The following USP3 variants were observed in gnomAD, a reference collection of about 807,000 sequenced individuals.
The protein encoded by USP3 is ubiquitin specific peptidase 3.
A neutral mutation model predicts 72.3 loss-of-function variants in USP3; 20 were observed. That is an observed-to-expected ratio of 0.28 (90% CI 0.19 to 0.40). The LOEUF is 0.40. USP3 is among the 10% of genes least tolerant of loss of function. The pLI is 1.00. For missense variants in USP3, 479 were observed against 633.9 expected (o/e 0.76, Z 2.62); for synonymous variants, 222 against 225.3 (o/e 0.99, Z 0.13).
At chr15:63,576,979 C>G (rs1338439376) in intron 11 of USP3, among the ~76,000 whole-genome samples, 1 of 152,144 alleles carries the variant, frequency 6.6e-6, no homozygotes, top group African/African-American at 2.4e-5. Context: ...TTGAGTCCAC[C>G]TGGCAAGAAC....
intron 7 of USP3, among the ~76,000 whole-genome samples, chr15:63,560,694 G>C (rs1398364945): frequency 6.6e-6 from 1 of 152,002 alleles, no homozygotes; most frequent in African/African-American, 2.4e-5. Flanking sequence ...TACGGAGAGG[G>C]GGGGAAGAAA....
Position 63,528,934 on chromosome 15 carries a change from C to CA in USP3, c.92-3712dup. ...TTAATTTGGATGAAGCATGTATAAA[C>CA]AGAGTGAATATTCCCCAAAGCAATG... On this transcript the variant is annotated intron_variant, in intron 1 of 14. Coordinates refer to ENST00000380324, the MANE Select transcript of USP3 (RefSeq NM_006537.4). This position sits in a 1 kb window ranked among gnomAD's most constrained non-coding sequence, Gnocchi z 4.3. 2 of 1,115,384 alleles carry CA rather than the reference C, an allele frequency of 1.8e-6. No homozygotes were observed. Among genetic ancestry groups the CA allele is most frequent in the Non-Finnish European group, 2.4e-6 (2 of 838,306 alleles). The allele number at this position is 1,115,384 out of a possible 1,614,324, so 69.1% of individuals were successfully genotyped here.
At chr15:63,584,568 G>C (rs2067024134) in intron 11 of USP3, among the ~76,000 whole-genome samples, 1 of 152,048 alleles carries the variant, frequency 6.6e-6, no homozygotes, top group Non-Finnish European at 1.5e-5. Flanking sequence ...TGTGTCTGTT[G>C]GTCATTTGTG....
rs1407099834 is a variant in USP3, at chr15:63,592,035, C to T, written c.*1209C>T. The T allele has an allele frequency of 6.6e-6, 1 of 152,100 alleles. No individual in the cohort carries two copies. The allele number at this position is 152,100 out of a possible 1,614,324, so 9.4% of individuals were successfully genotyped here. A position where few individuals can be genotyped will look rare whatever the true frequency, so the allele number is the denominator to read the frequency against. ...GTAGCAATTCTCCTGCCTCAACCTC[C>T]TGAGTAGCTGGGATTACAGGTGCCC... On this transcript the variant is annotated 3_prime_UTR_variant, in exon 15 of 15. Transcript: ENST00000380324.
intron 2 of USP3, among the ~76,000 whole-genome samples, chr15:63,534,872 T>G (rs1177020602): frequency 3.3e-5 from 5 of 152,114 alleles, no homozygotes; most frequent in Non-Finnish European, 7.4e-5. Context: ...TGATTAAGAT[T>G]AAGTATTGAA....
At chr15:63,584,589 GAA>G (rs1222091929) in intron 11 of USP3, among the ~76,000 whole-genome samples, 2 of 152,150 alleles carry the variant, frequency 1.3e-5, no homozygotes, top group African/African-American at 4.8e-5. Context: ...CCTCTTTGGA[GAA>G]AAGTCTATTA....
chr15:63,529,147 A>G lies in USP3; in HGVS notation c.92-3500A>G, dbSNP rs750524812. The G allele has an allele frequency of 4.1e-5, 38 of 933,356 alleles. No homozygotes were observed. Among genetic ancestry groups the G allele is most frequent in the Admixed American group, 9.3e-5 (4 of 42,858 alleles). 57.8% of individuals were successfully genotyped at this position (933,356 alleles called of 1,614,324 possible). A position where few individuals can be genotyped will look rare whatever the true frequency, so the allele number is the denominator to read the frequency against. Reference sequence around the variant, plus strand: ...CCAAGTAGCTGGGACTACAGATGCAATCACCACCACACTTGGCAGGTAGTA... The same window carrying G: ...CCAAGTAGCTGGGACTACAGATGCAGTCACCACCACACTTGGCAGGTAGTA... On this transcript the variant is annotated intron_variant, in intron 1 of 14. Coordinates refer to ENST00000380324, the MANE Select transcript of USP3 (RefSeq NM_006537.4). This position sits in a 1 kb window ranked among gnomAD's most constrained non-coding sequence, Gnocchi z 4.2.
intron 3 of USP3, chr15:63,542,256 A>T: frequency 1.1e-6 from 1 of 918,832 alleles, no homozygotes; most frequent in South Asian, 5.0e-5. Flanking sequence ...CAATTGAGCA[A>T]TTGAATGTGG....
intron 6 of USP3, among the ~76,000 whole-genome samples, 171 bp downstream of exon 6, chr15:63,558,359 C>A (rs2066546069): frequency 6.6e-6 from 1 of 152,032 alleles, no homozygotes; most frequent in Non-Finnish European, 1.5e-5. Flanking sequence ...GTTCCTACCT[C>A]ATGGGGTAGT....
intron 14 of USP3, among the ~76,000 whole-genome samples, chr15:63,589,814 A>T: frequency 6.7e-6 from 1 of 148,560 alleles, no homozygotes; most frequent in Non-Finnish European, 1.5e-5. Context: ...AAAGACTGCC[A>T]TGGCCTACTT....
chr15:63,557,799 G>C (rs2066538318), intron 5 of USP3, among the ~76,000 whole-genome samples: 1 of 152,130 alleles, frequency 6.6e-6, no homozygotes, highest in Non-Finnish European at 1.5e-5. Flanking sequence ...AGTCTTAAAT[G>C]TTATTTTAAG....
In USP3 at chr15:63,574,058, T is replaced by C. The variant is rs143190198; in HGVS notation, c.921T>C (p.Ser307=). The C allele has an allele frequency of 1.3e-5, 20 of 1,587,132 alleles. No homozygotes were observed. The African/African-American group carries it at 2.5e-4, about 20-fold the overall frequency. ...ASNKCCINGA[S]TVVTAIFGGI... is the part of the protein sequence containing the mutation. ...TGATTTTGTTTAGAAATGGAGCATC[T>C]ACTGTTGTCACGGCTATATTCGGAG... is the stretch of plus-strand genomic sequence containing the variant. The change falls in exon 10 of 15, where the codon TCT becomes TCC. Residue 307 remains serine, a synonymous_variant. Transcript: ENST00000380324. The surrounding 1 kb of genome is among the most constrained non-coding windows in gnomAD (Gnocchi z 4.6).
chr15:63,511,277 A>AAAAAAAAAAAAAAAAAAAAAAAAAAC (rs2065777637), intron 1 of USP3, among the ~76,000 whole-genome samples: 1 of 149,906 alleles, frequency 6.7e-6, no homozygotes, highest in Non-Finnish European at 1.5e-5. Context: ...AAAAAAAAAA[A>AAAAAAAAAAAAAAAAAAAAAAAAAAC]AAAAAGAGTC....
chr15:63,545,976 A>AC (rs1218659566), intron 3 of USP3, among the ~76,000 whole-genome samples: 4 of 124,152 alleles, frequency 3.2e-5, no homozygotes, highest in Non-Finnish European at 7.0e-5. Context: ...GTCTCAAAAA[A>AC]AAAAAAAAAA....
chr15:63,586,143 A>G (rs1183372385), intron 11 of USP3, among the ~76,000 whole-genome samples: 2 of 152,208 alleles, frequency 1.3e-5, no homozygotes, highest in African/African-American at 4.8e-5. Context: ...AGAGATAATT[A>G]TACTTTTTCC....
At chr15:63,581,844 G>A (rs921716921) in intron 11 of USP3, among the ~76,000 whole-genome samples, 3 of 151,778 alleles carry the variant, frequency 2.0e-5, no homozygotes, top group African/African-American at 7.3e-5. Flanking sequence ...ATGCTGCAAT[G>A]CTTGTGTTTT....
chr15:63,578,483 G>A (rs954855075), intron 11 of USP3, among the ~76,000 whole-genome samples: 4 of 151,374 alleles, frequency 2.6e-5, no homozygotes, highest in African/African-American at 9.7e-5. Flanking sequence ...ATGGTGGCAG[G>A]CATCTGTAGT....
intron 3 of USP3, chr15:63,542,338 T>G: frequency 3.2e-6 from 1 of 309,190 alleles, no homozygotes; most frequent in Non-Finnish European, 4.7e-6. Flanking sequence ...CTAGCTACTA[T>G]TGGACAGTGC....
intron 3 of USP3, chr15:63,551,804 C>T (rs2066440075): frequency 2.6e-5 from 4 of 152,174 alleles, no homozygotes; most frequent in African/African-American, 9.7e-5. Flanking sequence ...CACATTTGCA[C>T]AGCTCTGGAG....
Sources: gnomAD v4.1 joint callset for allele counts (sites outside exome capture counted in the v4.1 genomes callset) on GRCh38, gnomAD v4.1.1 for gene constraint, Gnocchi (gnomAD v3.1) non-coding constraint, MANE v1.5 for transcripts, NCBI Gene and HGNC (gene_info 2026-07-23, HGNC 2026-07-21) for gene names.